PCNX2: variants seen among roughly 807,000 people sequenced by gnomAD.
PCNX2 encodes pecanex-like protein 2.
Under a neutral mutation model 223.8 loss-of-function variants are expected in PCNX2, and 168 were observed. The observed-to-expected ratio is 0.75, with a 90% CI of 0.66 to 0.85. The LOEUF is 0.85. Ranked by LOEUF, PCNX2 falls within the 40% of genes least tolerant of loss-of-function variation. The pLI is 0.00. For missense variants in PCNX2, 2,507 were observed against 2,675.5 expected (o/e 0.94, Z 1.39); for synonymous variants, 1,006 against 1,052.6 (o/e 0.96, Z 0.86).
rs1469812148 is a variant in PCNX2, at chr1:233,014,669, T to A, written c.4948A>T (p.Ile1650Phe). The A allele has an allele frequency of 6.2e-7, 1 of 1,613,618 alleles. No homozygotes were observed. The highest frequency in any genetic ancestry group is 1.7e-5 in the Admixed American group (1 of 60,008). Reference sequence around the variant, plus strand: ...CTAACTTCTCCCCCCAGGTACCTGATGGCCATATTGTGAGCGGCTGTTCCC... The same window carrying A: ...CTAACTTCTCCCCCCAGGTACCTGAAGGCCATATTGTGAGCGGCTGTTCCC... ...ALGTAAHNMA[I>F]SLDSFLYGLH... The change falls in exon 28 of 34, where the codon ATC becomes TTC. Residue 1650 changes from isoleucine (I) to phenylalanine (F), a missense_variant. Physicochemically the swap from Ile to Phe is conservative, Grantham distance 21. Around this residue, in one of 3 missense-constraint regions of PCNX2, gnomAD observed 1,372 missense variants for 1,509.4 expected, o/e 0.91. Coordinates refer to ENST00000258229, the MANE Select transcript of PCNX2 (RefSeq NM_014801.4).
At chr1:233,004,300 A>G (rs1670200441) in intron 28 of PCNX2, among the ~76,000 whole-genome samples, 1 of 152,084 alleles carries the variant, frequency 6.6e-6, no homozygotes, top group African/African-American at 2.4e-5. Context: ...CCGTGCTTCC[A>G]TTTCCCACAC....
chr1:233,176,588 A>G (rs1046351320), intron 17 of PCNX2, among the ~76,000 whole-genome samples: 4 of 152,250 alleles, frequency 2.6e-5, no homozygotes, highest in Non-Finnish European at 4.4e-5. Flanking sequence ...TCATTTGTGC[A>G]GAGCCCACCT....
At chr1:233,303,462 C>A in the PCNX2 span, among the ~76,000 whole-genome samples, 6 of 152,106 alleles carry the variant, frequency 3.9e-5, no homozygotes, top group African/African-American at 1.4e-4. Context: ...CTTCAGTGAG[C>A]CATGTTCACA....
chr1:233,110,050 C>A (rs1394188883), intron 21 of PCNX2, among the ~76,000 whole-genome samples: 2 of 152,158 alleles, frequency 1.3e-5, no homozygotes, highest in African/African-American at 4.8e-5. Context: ...GATGGTGCCA[C>A]TGCACTCCAG....
intron 22 of PCNX2, among the ~76,000 whole-genome samples, chr1:233,093,031 C>A (rs560287854): frequency 6.6e-6 from 1 of 152,144 alleles, no homozygotes; most frequent in African/African-American, 2.4e-5. Flanking sequence ...AATCTCCTGA[C>A]CTCATGATCT....
intron 21 of PCNX2, among the ~76,000 whole-genome samples, chr1:233,119,598 C>T (rs199607024): frequency 4.3e-5 from 6 of 139,180 alleles, no homozygotes; most frequent in Non-Finnish European, 9.5e-5. Flanking sequence ...AAAAAAAAAA[C>T]AAAAACAAAA....
intron 32 of PCNX2, among the ~76,000 whole-genome samples, chr1:232,992,077 C>G (rs1669722552): frequency 1.3e-5 from 2 of 152,192 alleles, no homozygotes; most frequent in Non-Finnish European, 2.9e-5. Context: ...GAGATGATAG[C>G]AAGAGAGAGG....
intron 24 of PCNX2, among the ~76,000 whole-genome samples, chr1:233,055,443 T>C (rs1672157978): frequency 6.6e-6 from 1 of 152,038 alleles, no homozygotes; most frequent in African/African-American, 2.4e-5. Context: ...GGGGGTGAAA[T>C]TAGGAGTGCG....
chr1:233,094,106 C>A (rs554205245), intron 22 of PCNX2, among the ~76,000 whole-genome samples: 1 of 152,294 alleles, frequency 6.6e-6, no homozygotes, highest in African/African-American at 2.4e-5. Flanking sequence ...ATTGAATTCA[C>A]CTAACAAGGC....
intron 23 of PCNX2, among the ~76,000 whole-genome samples, chr1:233,063,923 T>C (rs1183466684): frequency 6.6e-6 from 1 of 152,180 alleles, no homozygotes; most frequent in Non-Finnish European, 1.5e-5. Flanking sequence ...TCTATTACAG[T>C]ATACATTTTA....
intron 8 of PCNX2, among the ~76,000 whole-genome samples, chr1:233,240,002 CT>C (rs1202034072): frequency 6.6e-6 from 1 of 152,182 alleles, no homozygotes; most frequent in African/African-American, 2.4e-5. Flanking sequence ...AGATTCTCTT[CT>C]GAGCTTAATG....
chr1:233,117,360 G>T (rs58224065), intron 21 of PCNX2, among the ~76,000 whole-genome samples: 1 of 149,696 alleles, frequency 6.7e-6, no homozygotes, highest in East Asian at 2.0e-4. Context: ...GGCCTGGCGC[G>T]GTTGCTCACG....
intron 19 of PCNX2, among the ~76,000 whole-genome samples, chr1:233,152,790 C>G (rs114481049): frequency 3.9e-5 from 6 of 152,196 alleles, no homozygotes; most frequent in Non-Finnish European, 8.8e-5. Flanking sequence ...ACTGATGAGA[C>G]TTCAGAACCC....
chr1:233,318,923 C>T, the PCNX2 span, among the ~76,000 whole-genome samples: 2 of 152,214 alleles, frequency 1.3e-5, no homozygotes, highest in Non-Finnish European at 2.9e-5. Context: ...TCCCCACTTA[C>T]GTTTCATCTG....
intron 32 of PCNX2, among the ~76,000 whole-genome samples, chr1:232,992,132 A>G (rs1326659735): frequency 1.3e-5 from 2 of 152,140 alleles, no homozygotes; most frequent in African/African-American, 2.4e-5. Flanking sequence ...GCCTTGTTCA[A>G]TCTCCCCTGT....
chr1:233,157,443 GC>G (rs1477956976), intron 19 of PCNX2, among the ~76,000 whole-genome samples: 1 of 152,186 alleles, frequency 6.6e-6, no homozygotes, highest in Non-Finnish European at 1.5e-5. Context: ...AGAAATGTCT[GC>G]CACCAGCCCA....
intron 20 of PCNX2, among the ~76,000 whole-genome samples, chr1:233,137,282 T>C (rs1676865231): frequency 6.6e-6 from 1 of 152,146 alleles, no homozygotes; most frequent in South Asian, 2.1e-4. Flanking sequence ...GCTGACATGG[T>C]CCAGTGTGAG....
intron 23 of PCNX2, among the ~76,000 whole-genome samples, chr1:233,081,903 C>T (rs911093037): frequency 2.0e-5 from 3 of 152,170 alleles, no homozygotes; most frequent in African/African-American, 7.2e-5. Flanking sequence ...CCTTTCCAGA[C>T]AGGCCTCTCT....
In PCNX2 at chr1:233,161,299, C is replaced by A. The variant is rs374715181; in HGVS notation, c.3338G>T (p.Ser1113Ile). 70 of 1,613,764 alleles carry A rather than the reference C, an allele frequency of 4.3e-5. No homozygotes were observed. The highest frequency in any genetic ancestry group is 5.6e-5 in the Non-Finnish European group (66 of 1,179,830). ...CAATGACAGGAATACAGTGCTGGCG[C>A]TGACTGCAAATGAGAGGACAGCAAC... Reference protein sequence around the residue: ...AVVAVLSFAVSASTVFLSLRP... With the variant: ...AVVAVLSFAVIASTVFLSLRP... The change falls in exon 18 of 34, where the codon AGC becomes ATC. Residue 1113 changes from serine to isoleucine, a missense_variant. By Grantham distance (142) the Ser-to-Ile change is moderately radical. Around this residue, in one of 3 missense-constraint regions of PCNX2, gnomAD observed 1,372 missense variants for 1,509.4 expected, o/e 0.91. Coordinates refer to ENST00000258229, the MANE Select transcript of PCNX2 (RefSeq NM_014801.4).
Sources: allele counts gnomAD v4.1 joint callset (sites outside exome capture counted in the v4.1 genomes callset), GRCh38; gene constraint gnomAD v4.1.1; regional missense constraint gnomAD v4.1.1; transcripts MANE v1.5; gene names NCBI Gene and HGNC (gene_info 2026-07-23, HGNC 2026-07-21).